The following ARHGAP10 variants were observed in gnomAD, a reference collection of about 807,000 sequenced individuals.
The protein encoded by ARHGAP10 is Rho GTPase activating protein 10, also known as rho GTPase-activating protein 10.
A neutral mutation model predicts 108.6 loss-of-function variants in ARHGAP10; 87 were observed. The ratio of observed to expected loss-of-function variants is 0.80; its 90% CI spans 0.67 to 0.96. The LOEUF (loss-of-function observed/expected upper bound fraction) is 0.96, where lower values mean the gene tolerates loss of function less well. Among genes scored for constraint, ARHGAP10 ranks in the 40% least tolerant of loss-of-function variants. The pLI is 0.00. For synonymous variants in ARHGAP10, 347 were observed against 341.1 expected, an observed-to-expected ratio of 1.02 and a Z score of -0.19; for missense variants, 939 against 954.5, an observed-to-expected ratio of 0.98 and a Z score of 0.21.
chr4:148,034,057 C>G (rs1240627691), intron 19 of ARHGAP10, among the ~76,000 whole-genome samples: 1 of 152,150 alleles, frequency 6.6e-6, no homozygotes, highest in Non-Finnish European at 1.5e-5. Flanking sequence ...CTAAGCCTCA[C>G]AAATTTGGAC....
intron 1 of ARHGAP10, among the ~76,000 whole-genome samples, chr4:147,794,187 C>T (rs1030414182): frequency 6.6e-6 from 1 of 152,166 alleles, no homozygotes; most frequent in African/African-American, 2.4e-5. Context: ...TATGGTTTTG[C>T]AGAGGTTGTG....
intron 18 of ARHGAP10, among the ~76,000 whole-genome samples, chr4:148,003,363 A>G (rs995934242): frequency 6.6e-6 from 1 of 152,114 alleles, no homozygotes; most frequent in Non-Finnish European, 1.5e-5. Flanking sequence ...AGGAAGTGTG[A>G]TGTGGTGCTG....
intron 10 of ARHGAP10, among the ~76,000 whole-genome samples, chr4:147,891,174 AATGAGTGTTC>A (rs1379027462): frequency 1.3e-5 from 2 of 152,242 alleles, no homozygotes; most frequent in African/African-American, 4.8e-5. Flanking sequence ...GAAACTTGTG[AATGAGTGTTC>A]ATAGAAGCAT....
intron 3 of ARHGAP10, among the ~76,000 whole-genome samples, chr4:147,839,035 C>A (rs939189077): frequency 5.9e-5 from 9 of 151,836 alleles, no homozygotes; most frequent in Non-Finnish European, 1.5e-5. Context: ...GAGGCAAGTT[C>A]TTTTTTTTCC....
chr4:147,879,022 G>C (rs1198440572), intron 8 of ARHGAP10, among the ~76,000 whole-genome samples: 2 of 151,984 alleles, frequency 1.3e-5, no homozygotes, highest in African/African-American at 4.8e-5. Flanking sequence ...CACCCGCCTC[G>C]ACCTCCCAAA....
At chr4:147,878,541 G>T (rs918359590) in intron 8 of ARHGAP10, among the ~76,000 whole-genome samples, 4 of 152,122 alleles carry the variant, frequency 2.6e-5, no homozygotes, top group Non-Finnish European at 5.9e-5. Context: ...ATTTTGAGAG[G>T]CCAGAATTAA....
At position 147,875,682 on chromosome 4, in the gene ARHGAP10, G is replaced by T. The variant is rs75476371; in HGVS notation, c.832+532G>T. ...TGTTCCCACCAGTCTGAGATAGCTG[G>T]TTCTTACTAAAATCATCAGGAAGAT... On this transcript the variant is annotated intron_variant, in intron 8 of 22. Coordinates refer to ENST00000336498, the MANE Select transcript of ARHGAP10 (RefSeq NM_024605.4). Among the ~76,000 whole-genome samples the T allele has an allele frequency of 1.2e-3, 190 of 152,218 alleles. 4 individuals are homozygous for T. In the East Asian group the frequency reaches 0.034, roughly 28 times the overall value.
chr4:147,809,539 G>A (rs1410705712), intron 1 of ARHGAP10, among the ~76,000 whole-genome samples: 1 of 152,152 alleles, frequency 6.6e-6, no homozygotes, highest in African/African-American at 2.4e-5. Context: ...AGAAACTAAA[G>A]CTCAGAAGCA....
intron 13 of ARHGAP10, among the ~76,000 whole-genome samples, chr4:147,926,416 T>C (rs1052100684): frequency 6.6e-6 from 1 of 152,044 alleles, no homozygotes; most frequent in Non-Finnish European, 1.5e-5. Flanking sequence ...CTGCTGGATA[T>C]TGGAAGTCAG....
chr4:148,035,698 A>G (rs1485298150), intron 19 of ARHGAP10, among the ~76,000 whole-genome samples: 1 of 152,194 alleles, frequency 6.6e-6, no homozygotes, highest in Non-Finnish European at 1.5e-5. Context: ...AAGCTCTACC[A>G]TGCGGCAGTT....
chr4:147,762,536 A>T (rs916994772), intron 1 of ARHGAP10, among the ~76,000 whole-genome samples: 10 of 149,628 alleles, frequency 6.7e-5, no homozygotes, highest in East Asian at 6.2e-4. Flanking sequence ...TTATTTATTT[A>T]TTTATTTTTT....
intron 18 of ARHGAP10, among the ~76,000 whole-genome samples, chr4:147,993,517 T>A (rs1159224208): frequency 1.3e-5 from 2 of 152,188 alleles, no homozygotes; most frequent in Non-Finnish European, 2.9e-5. Flanking sequence ...GTACAAAAGA[T>A]TAAAAAAGCA....
chr4:147,740,630 G>T (rs1728618748), intron 1 of ARHGAP10, among the ~76,000 whole-genome samples: 1 of 152,100 alleles, frequency 6.6e-6, no homozygotes, highest in African/African-American at 2.4e-5. Flanking sequence ...CCAAGGTCGG[G>T]TTGATTTAGT....
chr4:148,046,980 T>C lies in ARHGAP10; in HGVS notation c.1956T>C (p.Pro652=). 1 of 1,614,146 alleles carries C rather than the reference T, an allele frequency of 6.2e-7. No homozygotes were observed. Among genetic ancestry groups the C allele is most frequent in the Non-Finnish European group, 8.5e-7 (1 of 1,179,980 alleles). Reference sequence around the variant, plus strand: ...CGTCTCCCGTGACTACAGCTGTCCCTGGGCCTCCTGGACCAGACAAAAACC... The same window carrying C: ...CGTCTCCCGTGACTACAGCTGTCCCCGGGCCTCCTGGACCAGACAAAAACC... The part of the protein sequence containing the change: ...SSPSPVTTAV[P]GPPGPDKNHL... Residue 652 remains proline (P), a synonymous_variant, in exon 20 of 23, where the codon CCT becomes CCC. Transcript: ENST00000336498.
chr4:147,956,293 T>C (rs1417026209), intron 16 of ARHGAP10, among the ~76,000 whole-genome samples: 1 of 152,156 alleles, frequency 6.6e-6, no homozygotes, highest in Non-Finnish European at 1.5e-5. Context: ...TTGGGACCAA[T>C]GTTACCGCTG....
At chr4:147,784,270 T>A (rs1490752940) in intron 1 of ARHGAP10, among the ~76,000 whole-genome samples, 1 of 117,208 alleles carries the variant, frequency 8.5e-6, no homozygotes, top group East Asian at 2.8e-4. Context: ...TATTATATAA[T>A]TTACATAACA....
At chr4:147,773,297 A>G (rs1730147946) in intron 1 of ARHGAP10, among the ~76,000 whole-genome samples, 1 of 152,204 alleles carries the variant, frequency 6.6e-6, no homozygotes. Context: ...GCTTTATAGT[A>G]AGTTCACCCA....
Position 147,866,717 on chromosome 4 carries a change from G to C in ARHGAP10, c.603G>C (p.Leu201=), listed in dbSNP as rs1360489985. The change falls in exon 7 of 23, where the codon CTG becomes CTC. Residue 201 remains leucine, a synonymous_variant. Coordinates refer to ENST00000336498, the MANE Select transcript of ARHGAP10 (RefSeq NM_024605.4). ...RKKFEFVEPM[L]SFFQGMFTFY... is the part of the protein sequence containing the mutation. ...CTTTTCTTCCTGTGTCTTAGATGCT[G>C]TCATTTTTTCAGGGGATGTTTACCT... 1 of 1,612,452 alleles carries C rather than the reference G, an allele frequency of 6.2e-7. No homozygotes were observed. Among genetic ancestry groups the C allele is most frequent in the Non-Finnish European group, 8.5e-7 (1 of 1,179,166 alleles).
chr4:148,048,958 AT>A (rs111872757), intron 20 of ARHGAP10, among the ~76,000 whole-genome samples: 1,726 of 140,222 alleles, frequency 0.012, 5 homozygotes, highest in African/African-American at 0.021. Flanking sequence ...TGGAAAGGAG[AT>A]TTTTTTTTTT....
Sources: allele counts gnomAD v4.1 joint callset (sites outside exome capture counted in the v4.1 genomes callset), GRCh38; gene constraint gnomAD v4.1.1; transcripts MANE v1.5; gene names NCBI Gene and HGNC (gene_info 2026-07-23, HGNC 2026-07-21).